Variants in PMM2 observed in about 807,000 individuals in gnomAD.
The protein encoded by PMM2 is phosphomannomutase 2, also known as mannose-6-phosphate isomerase.
Under a neutral mutation model 33.2 loss-of-function variants are expected in PMM2, and 35 were observed. The ratio of observed to expected loss-of-function variants is 1.06; its 90% CI spans 0.81 to 1.40. The LOEUF (loss-of-function observed/expected upper bound fraction) is 1.40, where lower values mean the gene tolerates loss of function less well. Ranked by LOEUF, PMM2 falls within the 40% of genes most tolerant of loss-of-function variation. PMM2 has a pLI of 0.00. For missense variants in PMM2, 386 were observed against 306.0 expected (o/e 1.26, Z -1.95); for synonymous variants, 153 against 114.7 (o/e 1.33, Z -2.13).
At chr16:8,798,046 T>C in intron 1 of PMM2, 98 bp downstream of exon 1, 1 of 1,181,442 alleles carries the variant, frequency 8.5e-7, no homozygotes, top group Non-Finnish European at 1.2e-6. Context: ...AAGGGGTGGC[T>C]AAGGACCGCC....
intron 2 of PMM2, 72 bp downstream of exon 2, chr16:8,801,982 T>C (rs1381464618): frequency 2.8e-6 from 3 of 1,063,524 alleles, no homozygotes; most frequent in African/African-American, 3.2e-5. Context: ...CCAAGTATCA[T>C]AGGCTGCCCT....
intron 3 of PMM2, among the ~76,000 whole-genome samples, chr16:8,805,121 G>C (rs140181592): frequency 6.6e-6 from 1 of 152,026 alleles, no homozygotes; most frequent in Non-Finnish European, 1.5e-5. Flanking sequence ...GCAGCGGCAC[G>C]ATCTCAGCTC....
At chr16:8,800,129 C>T (rs1305655932) in intron 1 of PMM2, among the ~76,000 whole-genome samples, 4 of 152,024 alleles carry the variant, frequency 2.6e-5, no homozygotes, top group African/African-American at 4.8e-5. Flanking sequence ...GAGGCTGAGG[C>T]GGGTGGATCA....
At chr16:8,822,932 C>G (rs1215323983) in intron 7 of PMM2, among the ~76,000 whole-genome samples, 1 of 152,170 alleles carries the variant, frequency 6.6e-6, no homozygotes, top group African/African-American at 2.4e-5. Context: ...AGAATTGATC[C>G]TAAGCTCTGA....
chr16:8,825,546 C>G (rs997528713), intron 7 of PMM2, among the ~76,000 whole-genome samples: 2 of 151,668 alleles, frequency 1.3e-5, no homozygotes, highest in Non-Finnish European at 2.9e-5. Flanking sequence ...GTCTTGAACT[C>G]CTGACCCCAC....
chr16:8,828,522 T>C (rs1420035392), intron 7 of PMM2, among the ~76,000 whole-genome samples: 1 of 152,132 alleles, frequency 6.6e-6, no homozygotes, highest in African/African-American at 2.4e-5. Flanking sequence ...GACATGACAC[T>C]GTCACATGTC....
chr16:8,831,492 G>T (rs1442408059), intron 7 of PMM2, among the ~76,000 whole-genome samples: 1 of 152,124 alleles, frequency 6.6e-6, no homozygotes, highest in Admixed American at 6.5e-5. Context: ...AGACATGGTC[G>T]CACCAGTGCA....
chr16:8,802,371 G>T (rs1349519110), intron 2 of PMM2: 2 of 434,882 alleles, frequency 4.6e-6, no homozygotes, highest in East Asian at 1.4e-4. Flanking sequence ...GGTCTGTGGA[G>T]CCTGGGAATC....
At chr16:8,825,064 T>C (rs1024578631) in intron 7 of PMM2, among the ~76,000 whole-genome samples, 1 of 152,234 alleles carries the variant, frequency 6.6e-6, no homozygotes, top group Non-Finnish European at 1.5e-5. Context: ...GGAGTCTCGC[T>C]CTGTTGCCCA....
At chr16:8,843,793 TGA>T (rs1219905864) in intron 7 of PMM2, among the ~76,000 whole-genome samples, 1 of 152,176 alleles carries the variant, frequency 6.6e-6, no homozygotes, top group Non-Finnish European at 1.5e-5. Flanking sequence ...AAATGTATAT[TGA>T]GAATAAGACG....
In PMM2 at chr16:8,848,058, C is replaced by T. The variant is rs2060939998; in HGVS notation, c.*233C>T. On this transcript the variant is annotated 3_prime_UTR_variant, in exon 8 of 8. Transcript: ENST00000268261. ...AGGAATGCCTCGCACAAAAGGTCTTCCCCACCCACCCCCAGCCCCCTAGTC... is the reference window on the plus strand; with the variant it reads ...AGGAATGCCTCGCACAAAAGGTCTTTCCCACCCACCCCCAGCCCCCTAGTC... 1 of 532,996 alleles carries T rather than the reference C, an allele frequency of 1.9e-6. No individual in the cohort carries two copies. Among genetic ancestry groups the T allele is most frequent in the Non-Finnish European group, 3.4e-6 (1 of 294,138 alleles). The allele number at this position is 532,996 out of a possible 1,614,324, so 33.0% of individuals were successfully genotyped here.
intron 7 of PMM2, among the ~76,000 whole-genome samples, chr16:8,836,804 A>G (rs2141042499): frequency 6.6e-6 from 1 of 152,164 alleles, no homozygotes; most frequent in East Asian, 1.9e-4. Flanking sequence ...CGAGCCATGA[A>G]CTGGGCTGGA....
At chr16:8,829,912 C>A (rs79052281) in intron 7 of PMM2, among the ~76,000 whole-genome samples, 1 of 152,110 alleles carries the variant, frequency 6.6e-6, no homozygotes, top group Non-Finnish European at 1.5e-5. Context: ...CCAAACAAGT[C>A]CCCTATTCTC....
At chr16:8,837,675 G>C (rs1392693459) in intron 7 of PMM2, among the ~76,000 whole-genome samples, 1 of 151,930 alleles carries the variant, frequency 6.6e-6, no homozygotes. Flanking sequence ...CCCTCCCCTA[G>C]AAAAGCAGAG....
At chr16:8,815,234 T>C (rs919761692) in intron 7 of PMM2, among the ~76,000 whole-genome samples, 7 of 150,390 alleles carry the variant, frequency 4.7e-5, no homozygotes, top group African/African-American at 1.5e-4. Flanking sequence ...TTTTTTTTTT[T>C]CTTGAGGCAG....
Position 8,848,205 on chromosome 16 carries a change from A to G in PMM2, c.*380A>G, listed in dbSNP as rs2060941721. ...CCTCTTGGTGGGTCTGTGGAAACATAAGCGGTTTTTTTAATGGGCCCCTGC... is the reference window on the plus strand; with the variant it reads ...CCTCTTGGTGGGTCTGTGGAAACATGAGCGGTTTTTTTAATGGGCCCCTGC... On this transcript the variant is annotated 3_prime_UTR_variant, in exon 8 of 8. Coordinates refer to ENST00000268261, the MANE Select transcript of PMM2 (RefSeq NM_000303.3). The G allele has an allele frequency of 4.1e-6, 1 of 244,754 alleles. No homozygotes were observed. Among genetic ancestry groups the G allele is most frequent in the Admixed American group, 5.1e-5 (1 of 19,758 alleles). 15.2% of individuals were successfully genotyped at this position (244,754 alleles called of 1,614,324 possible).
chr16:8,798,037 A>C (rs2060589643), intron 1 of PMM2, 89 bp downstream of exon 1: 5 of 1,328,616 alleles, frequency 3.8e-6, no homozygotes, highest in Non-Finnish European at 5.2e-6. Flanking sequence ...GTAGGCGCCA[A>C]GGGGTGGCTA....
intron 7 of PMM2, among the ~76,000 whole-genome samples, chr16:8,819,331 G>A (rs1267260003): frequency 6.6e-6 from 1 of 152,148 alleles, no homozygotes; most frequent in African/African-American, 2.4e-5. Flanking sequence ...TAAGTAATGT[G>A]CTGGCTACAT....
At chr16:8,798,628 G>A (rs192409270) in intron 1 of PMM2, among the ~76,000 whole-genome samples, 25 of 152,252 alleles carry the variant, frequency 1.6e-4, no homozygotes, top group South Asian at 1.5e-3. Flanking sequence ...GTTATTACAG[G>A]CTGCCCGCTG....
Sources: allele counts gnomAD v4.1 joint callset (sites outside exome capture counted in the v4.1 genomes callset), GRCh38; gene constraint gnomAD v4.1.1; transcripts MANE v1.5; gene names NCBI Gene and HGNC (gene_info 2026-07-23, HGNC 2026-07-21).